Variants in DOCK3 observed in about 807,000 individuals in gnomAD.
DOCK3 encodes the protein dedicator of cytokinesis 3.
In DOCK3, 60 loss-of-function variants were observed where a neutral mutation model predicts 265.6. The observed-to-expected ratio is 0.23, with a 90% CI of 0.18 to 0.28. DOCK3 has a LOEUF of 0.28. Among genes scored for constraint, DOCK3 ranks in the 10% least tolerant of loss-of-function variants. DOCK3 has a pLI of 1.00. For missense variants in DOCK3, 1,981 were observed against 2,594.3 expected (o/e 0.76, Z 5.14); for synonymous variants, 881 against 938.0 (o/e 0.94, Z 1.11).
At chr3:51,269,692 CT>C (rs1423353439) in intron 23 of DOCK3, among the ~76,000 whole-genome samples, 4 of 152,166 alleles carry the variant, frequency 2.6e-5, no homozygotes, top group African/African-American at 9.7e-5. Context: ...CTCCATTTCT[CT>C]TTGTAAATCC....
intron 1 of DOCK3, among the ~76,000 whole-genome samples, chr3:50,760,575 T>G (rs2040462886): frequency 6.6e-6 from 1 of 152,168 alleles, no homozygotes; most frequent in Non-Finnish European, 1.5e-5. Flanking sequence ...AATTGAAGTG[T>G]TTTGAGCATG....
chr3:51,319,396 T>A (rs1208418525), intron 32 of DOCK3, among the ~76,000 whole-genome samples: 20 of 142,062 alleles, frequency 1.4e-4, no homozygotes, highest in Admixed American at 1.4e-4. Context: ...CAACACTTGA[T>A]AAAAAAAAAA....
chr3:50,823,967 A>G (rs906065242), intron 2 of DOCK3, among the ~76,000 whole-genome samples: 10 of 152,238 alleles, frequency 6.6e-5, no homozygotes, highest in African/African-American at 2.4e-4. Context: ...TGAGGAAGCT[A>G]AACTTAAAGT....
intron 1 of DOCK3, among the ~76,000 whole-genome samples, chr3:50,726,256 T>G (rs775213622): frequency 1.5e-4 from 23 of 152,162 alleles, no homozygotes; most frequent in Non-Finnish European, 3.1e-4. Flanking sequence ...ACTCTGTGGA[T>G]TCAGCAGGCT....
At chr3:50,778,540 C>A in intron 1 of DOCK3, 135 bp from the exon 2 acceptor site, 2 of 588,030 alleles carry the variant, frequency 3.4e-6, no homozygotes, top group Non-Finnish European at 3.0e-6. Flanking sequence ...TGGAAAGGGG[C>A]TTACACTTTA....
chr3:51,146,255 A>G (rs914594783), intron 9 of DOCK3, among the ~76,000 whole-genome samples: 1 of 152,244 alleles, frequency 6.6e-6, no homozygotes, highest in African/African-American at 2.4e-5. Flanking sequence ...TGGGAGAAAT[A>G]TAAGATACAG....
chr3:51,132,811 A>G (rs758668938), intron 9 of DOCK3, among the ~76,000 whole-genome samples: 3 of 152,128 alleles, frequency 2.0e-5, no homozygotes, highest in Non-Finnish European at 2.9e-5. Flanking sequence ...ATGGGGGAGG[A>G]CCCTGATGAA....
At chr3:50,885,348 T>A (rs2048270019) in intron 3 of DOCK3, among the ~76,000 whole-genome samples, 1 of 144,814 alleles carries the variant, frequency 6.9e-6, no homozygotes, top group Non-Finnish European at 1.5e-5. Context: ...AAAAATGGTA[T>A]AAGCTTTTGT....
chr3:50,724,018 C>CA (rs1297645006), intron 1 of DOCK3, among the ~76,000 whole-genome samples: 1 of 152,010 alleles, frequency 6.6e-6, no homozygotes, highest in Non-Finnish European at 1.5e-5. Flanking sequence ...ACAACCCCAT[C>CA]AAAAAATGGG....
intron 1 of DOCK3, among the ~76,000 whole-genome samples, chr3:50,757,028 T>C (rs1240111401): frequency 6.6e-6 from 1 of 152,036 alleles, no homozygotes; most frequent in Admixed American, 6.6e-5. Context: ...ACCTGGCTAA[T>C]TTTTCATAGA....
intron 35 of DOCK3, among the ~76,000 whole-genome samples, chr3:51,334,465 A>G (rs1013959359): frequency 6.6e-6 from 1 of 152,228 alleles, no homozygotes; most frequent in Non-Finnish European, 1.5e-5. Context: ...AGATGCTGCT[A>G]TGCAAAAGAT....
chr3:51,307,768 A>G (rs552448508), intron 27 of DOCK3, among the ~76,000 whole-genome samples: 67 of 149,836 alleles, frequency 4.5e-4, no homozygotes, highest in African/African-American at 1.5e-3. Flanking sequence ...AAGGCCCCCT[A>G]TGGATATTTC....
At chr3:51,081,856 A>C (rs899546308) in intron 7 of DOCK3, among the ~76,000 whole-genome samples, 1 of 147,862 alleles carries the variant, frequency 6.8e-6, no homozygotes. Context: ...AGATCGCGCC[A>C]CTGGAATCTA....
At chr3:51,331,549 G>A (rs1364020408) in intron 33 of DOCK3, among the ~76,000 whole-genome samples, 2 of 149,904 alleles carry the variant, frequency 1.3e-5, no homozygotes, top group Non-Finnish European at 3.0e-5. Context: ...GATGTTTGTA[G>A]GTATGCTAAA....
chr3:51,038,055 T>C (rs1370746319), intron 5 of DOCK3, among the ~76,000 whole-genome samples: 1 of 152,172 alleles, frequency 6.6e-6, no homozygotes, highest in Non-Finnish European at 1.5e-5. Context: ...CTCCCCCAAA[T>C]TGCTGGCTAA....
At chr3:51,152,114 C>T (rs528266942) in intron 10 of DOCK3, among the ~76,000 whole-genome samples, 5 of 152,174 alleles carry the variant, frequency 3.3e-5, no homozygotes, top group South Asian at 2.1e-4. Flanking sequence ...CCATTCTCCC[C>T]GTCACTTTCA....
intron 12 of DOCK3, among the ~76,000 whole-genome samples, chr3:51,166,276 C>T (rs766699823): frequency 3.3e-5 from 5 of 151,974 alleles, no homozygotes; most frequent in Non-Finnish European, 7.4e-5. Context: ...GTCTCGAACT[C>T]CTGACCTCAG....
At chr3:51,237,382 C>T in intron 20 of DOCK3, 108 bp from the exon 21 acceptor site, 1 of 843,496 alleles carries the variant, frequency 1.2e-6, no homozygotes, top group Non-Finnish European at 1.9e-6. Flanking sequence ...TGCTAGAGGA[C>T]AGCACTGACA....
intron 4 of DOCK3, among the ~76,000 whole-genome samples, chr3:50,908,233 G>T: frequency 9.7e-6 from 1 of 103,148 alleles, no homozygotes. Context: ...TTTCACGTCT[G>T]CTCTGATCCT....
Sources: allele counts gnomAD v4.1 joint callset (sites outside exome capture counted in the v4.1 genomes callset), GRCh38; gene constraint gnomAD v4.1.1; transcripts MANE v1.5; gene names NCBI Gene and HGNC (gene_info 2026-07-23, HGNC 2026-07-21).